Variants in FAM186A observed in about 807,000 individuals in gnomAD.
The protein encoded by FAM186A is protein FAM186A.
A neutral mutation model predicts 216.8 loss-of-function variants in FAM186A; 163 were observed. That is an observed-to-expected ratio of 0.75 (90% CI 0.66 to 0.86). FAM186A has a LOEUF of 0.86. FAM186A is among the 40% of genes least tolerant of loss of function. The pLI is 0.00. For missense variants in FAM186A, 2,184 were observed against 2,746.2 expected, an observed-to-expected ratio of 0.80 and a Z score of 4.58; for synonymous variants, 805 against 1,025.3, an observed-to-expected ratio of 0.79 and a Z score of 4.10.
chr12:50,365,811 G>A lies in FAM186A; in HGVS notation c.193-2447C>T, dbSNP rs1425128557. 4.0e-6 allele frequency: 3 copies of A among 758,072 alleles called. No individual in the cohort carries two copies. The East Asian group carries it at 7.3e-5, about 18-fold the overall frequency. 47.0% of individuals were successfully genotyped at this position (758,072 alleles called of 1,614,324 possible). A position where few individuals can be genotyped will look rare whatever the true frequency, so the allele number is the denominator to read the frequency against. On this transcript the variant is annotated intron_variant, in intron 1 of 7. Coordinates refer to ENST00000327337, the MANE Select transcript of FAM186A (RefSeq NM_001145475.3). ...ATCCGTGCCCATCTGAAAGAATGAT[G>A]AAGTTCAGGTTGTATGAGGACACCA...
Position 50,363,148 on chromosome 12 carries a change from A to T in FAM186A, c.409T>A (p.Trp137Arg), listed in dbSNP as rs2136097735. The change falls in exon 2 of 8, where the codon TGG (tryptophan) becomes AGG (arginine). Residue 137 changes from tryptophan to arginine, a missense_variant. This residue lies in a region of FAM186A where 1,132 missense variants were observed against 1,263.4 expected (regional missense o/e 0.90). Coordinates refer to ENST00000327337, the MANE Select transcript of FAM186A (RefSeq NM_001145475.3). ...LANILAWLEE[W>R]NDVLSEMTLM... ...TGAACCGCTTCTGTAAACTTACTCC[A>T]TTCTTCCAACCAGGCCAGAATGTTG... 1 of 1,543,888 alleles carries T rather than the reference A, an allele frequency of 6.5e-7. No individual in the cohort carries two copies. The highest frequency in any genetic ancestry group is 2.4e-5 in the East Asian group (1 of 40,822).
At chr12:50,394,859 G>A (rs1943398457) in intron 1 of FAM186A, among the ~76,000 whole-genome samples, 1 of 148,908 alleles carries the variant, frequency 6.7e-6, no homozygotes, top group African/African-American at 2.5e-5. Context: ...TTCCCGAGTA[G>A]CTGGGACTGC....
chr12:50,369,532 A>G (rs1230397117), intron 1 of FAM186A, among the ~76,000 whole-genome samples: 1 of 151,934 alleles, frequency 6.6e-6, no homozygotes, highest in Admixed American at 6.6e-5. Context: ...GGACTATATC[A>G]AAGTTAAAAA....
In FAM186A at chr12:50,353,612, G is replaced by T; in HGVS notation, c.3220C>A (p.His1074Asn). 1 of 1,531,016 alleles carries T rather than the reference G, an allele frequency of 6.5e-7. No individual in the cohort carries two copies. The highest frequency in any genetic ancestry group is 8.8e-7 in the Non-Finnish European group (1 of 1,138,584). The allele number at this position is 1,531,016 out of a possible 1,614,324, so 94.8% of individuals were successfully genotyped here. The change falls in exon 4 of 8, where the codon CAT becomes AAT. Residue 1074 changes from histidine to asparagine, a missense_variant. Coordinates refer to ENST00000327337, the MANE Select transcript of FAM186A (RefSeq NM_001145475.3). ...TCCTGGGCCTGCTGAGGTGTGAGAT[G>T]AATGCATTTAGTGAGAGGCTGGCCA... is the stretch of plus-strand genomic sequence containing the variant. ...ISGQPLTKCIHLTPQQAQEVG... is the reference protein window; with the variant it reads ...ISGQPLTKCINLTPQQAQEVG...
At chr12:50,364,244 A>G (rs770450934) in intron 1 of FAM186A, among the ~76,000 whole-genome samples, 2 of 152,156 alleles carry the variant, frequency 1.3e-5, no homozygotes, top group Non-Finnish European at 2.9e-5. Flanking sequence ...CAAGTCTTAA[A>G]CCAAACTCCT....
chr12:50,366,418 A>G (rs1943087910), intron 1 of FAM186A, among the ~76,000 whole-genome samples: 1 of 152,204 alleles, frequency 6.6e-6, no homozygotes, highest in African/African-American at 2.4e-5. Flanking sequence ...TCGAAGCCAG[A>G]CAAAGGCACT....
rs1218806473 is a variant in FAM186A, at chr12:50,353,658, C to A, written c.3174G>T (p.Leu1058=). The A allele has an allele frequency of 9.8e-6, 15 of 1,536,842 alleles. No homozygotes were observed. The highest frequency in any genetic ancestry group is 1.4e-5 in the African/African-American group (1 of 72,394). Residue 1058 remains leucine (L), a synonymous_variant, in exon 4 of 8, where the codon CTG becomes CTT. Transcript: ENST00000327337. ...GGCCAGAAATAGGAAGAGCTCCAGG[C>A]AGGGAGTATTGTAGGGAGGGGGGAG... ...ITPPPSLQYS[L]PGALPISGQP... is the part of the protein sequence containing the mutation.
chr12:50,380,794 C>A (rs1943247647), intron 1 of FAM186A, among the ~76,000 whole-genome samples: 1 of 152,190 alleles, frequency 6.6e-6, no homozygotes. Flanking sequence ...CTCAGGCCCA[C>A]TGGGCTCCTT....
intron 1 of FAM186A, among the ~76,000 whole-genome samples, chr12:50,386,890 A>G (rs1402060587): frequency 6.6e-6 from 1 of 152,060 alleles, no homozygotes; most frequent in Non-Finnish European, 1.5e-5. Flanking sequence ...AAAAAAAAAA[A>G]AATTCAACTT....
Position 50,355,151 on chromosome 12 carries a change from T to C in FAM186A, c.1681A>G (p.Thr561Ala), listed in dbSNP as rs1156325086. ...GGTTCCACTTTAATCTCTGCTGCAG[T>C]TGGACGTTTGTCAAATGGAGATTCA... is the stretch of plus-strand genomic sequence containing the variant. ...KRESPFDKRPTAAEIKVEPTT... is the reference protein window; with the variant it reads ...KRESPFDKRPAAAEIKVEPTT... Residue 561 changes from threonine to alanine, a missense_variant, in exon 4 of 8, where the codon ACT becomes GCT. Physicochemically the swap from Thr to Ala is moderately conservative, Grantham distance 58. Around this residue, in one of 7 missense-constraint regions of FAM186A, gnomAD observed 1,132 missense variants for 1,263.4 expected, o/e 0.90. Transcript: ENST00000327337. 6 of 1,551,518 alleles carry C rather than the reference T, an allele frequency of 3.9e-6. No individual in the cohort carries two copies. Among genetic ancestry groups the C allele is most frequent in the Admixed American group, 2.0e-5 (1 of 50,976 alleles).
At position 50,383,249 on chromosome 12, in the gene FAM186A, T is replaced by TAAAAAA. The variant is rs1167515309; in HGVS notation, c.192+13038_192+13043dup. ...CTGGGTGACAGAGCAAGACTCCGTC[T>TAAAAAA]AAAAAAAAAAAAAAAAAAAAAAAAA... On this transcript the variant is annotated intron_variant, in intron 1 of 7. Coordinates refer to ENST00000327337, the MANE Select transcript of FAM186A (RefSeq NM_001145475.3). Among the ~76,000 whole-genome samples, 11 of 10,360 alleles carry TAAAAAA rather than the reference T, an allele frequency of 1.1e-3. 1 individual carries two copies. Among genetic ancestry groups the TAAAAAA allele is most frequent in the African/African-American group, 1.4e-3 (10 of 7,186 alleles). 6.8% of individuals were successfully genotyped at this position (10,360 alleles called of 152,430 possible).
chr12:50,358,335 CT>C (rs1472719216), intron 3 of FAM186A, among the ~76,000 whole-genome samples: 2 of 152,008 alleles, frequency 1.3e-5, no homozygotes, highest in African/African-American at 4.8e-5. Flanking sequence ...AATCCCAGAA[CT>C]TTGGGAGGCT....
chr12:50,340,043 G>A (rs959344140), intron 4 of FAM186A, among the ~76,000 whole-genome samples: 29 of 151,944 alleles, frequency 1.9e-4, no homozygotes, highest in African/African-American at 6.8e-4. Flanking sequence ...TCACCATGTT[G>A]GTCAGGCTGG....
intron 1 of FAM186A, among the ~76,000 whole-genome samples, chr12:50,377,357 A>C (rs910883338): frequency 1.6e-5 from 1 of 63,286 alleles, no homozygotes; most frequent in Non-Finnish European, 1.1e-4. Context: ...CACAAACCAG[A>C]AGTGAAAAAC....
At chr12:50,334,129 G>A (rs1466365193) in intron 4 of FAM186A, 26 bp from the exon 5 acceptor site, 3 of 1,501,528 alleles carry the variant, frequency 2.0e-6, no homozygotes, top group Non-Finnish European at 2.7e-6. Flanking sequence ...AAAAATTAGA[G>A]CGATAATAGT....
intron 4 of FAM186A, among the ~76,000 whole-genome samples, chr12:50,343,933 T>C (rs1212463617): frequency 6.8e-6 from 1 of 146,740 alleles, no homozygotes; most frequent in Non-Finnish European, 1.5e-5. Flanking sequence ...TTTTTTTTTT[T>C]GTAGAGATGG....
Position 50,333,981 on chromosome 12 carries a change from G to C in FAM186A, c.6626C>G (p.Thr2209Ser). ...CTGCCCTAGAGACTTCTGCTTCTCA[G>C]TCCAGACCTGCATCACCTTTTTCCC... ...DYGKKVMQVW[T>S]EKQKSLGQKR... is the part of the protein sequence containing the mutation. The change falls in exon 5 of 8, where the codon ACT becomes AGT. Residue 2209 changes from threonine (T) to serine (S), a missense_variant. By Grantham distance (58) the Thr-to-Ser change is moderately conservative. Transcript: ENST00000327337. The C allele has an allele frequency of 6.4e-7, 1 of 1,551,678 alleles. No homozygotes were observed. Among genetic ancestry groups the C allele is most frequent in the Non-Finnish European group, 8.7e-7 (1 of 1,147,006 alleles).
chr12:50,355,473 A>C lies in FAM186A; in HGVS notation c.1359T>G (p.Asp453Glu). Residue 453 changes from aspartate (D) to glutamate (E), a missense_variant, in exon 4 of 8, where the codon GAT becomes GAG. Asp to Glu is a conservative substitution (Grantham distance 45). Around this residue, in one of 7 missense-constraint regions of FAM186A, gnomAD observed 1,132 missense variants for 1,263.4 expected, o/e 0.90. Transcript: ENST00000327337. ...KGDFYQEDETDEYQSWKRSHK... is the reference protein window; with the variant it reads ...KGDFYQEDETEEYQSWKRSHK... ...GGCTTCTTTTCCATGATTGATACTC[A>C]TCAGTCTCATCTTCCTGATAGAAAT... 1 of 1,551,278 alleles carries C rather than the reference A, an allele frequency of 6.4e-7. No homozygotes were observed. The highest frequency in any genetic ancestry group is 8.7e-7 in the Non-Finnish European group (1 of 1,146,922).
chr12:50,340,543 TA>T (rs969378246), intron 4 of FAM186A, among the ~76,000 whole-genome samples: 2 of 151,386 alleles, frequency 1.3e-5, no homozygotes, highest in African/African-American at 2.4e-5. Context: ...GATCCATCGC[TA>T]AAAAAAATAT....
Sources: allele counts gnomAD v4.1 joint callset (sites outside exome capture counted in the v4.1 genomes callset), GRCh38; gene constraint gnomAD v4.1.1; regional missense constraint gnomAD v4.1.1; transcripts MANE v1.5; gene names NCBI Gene and HGNC (gene_info 2026-07-23, HGNC 2026-07-21).